ITPR1: variants seen among roughly 807,000 people sequenced by gnomAD.
ITPR1 encodes the protein inositol 1,4,5-trisphosphate-gated calcium channel ITPR1.
A neutral mutation model predicts 318.4 loss-of-function variants in ITPR1; 96 were observed. The observed-to-expected ratio is 0.30, with a 90% CI of 0.26 to 0.36. The LOEUF is 0.36. Among genes scored for constraint, ITPR1 ranks in the 10% least tolerant of loss-of-function variants. The pLI is 1.00. For missense variants in ITPR1, 2,440 were observed against 3,460.2 expected, an observed-to-expected ratio of 0.71 and a Z score of 7.40; for synonymous variants, 1,312 against 1,289.9, an observed-to-expected ratio of 1.02 and a Z score of -0.37.
At chr3:4,679,367 C>T (rs1049040841) in intron 24 of ITPR1, among the ~76,000 whole-genome samples, 1 of 152,208 alleles carries the variant, frequency 6.6e-6, no homozygotes, top group Non-Finnish European at 1.5e-5. Flanking sequence ...CCACAGCAAG[C>T]TGTGTCCCGG....
At chr3:4,527,995 C>A (rs745696159) in intron 4 of ITPR1, among the ~76,000 whole-genome samples, 11 of 152,178 alleles carry the variant, frequency 7.2e-5, no homozygotes, top group Non-Finnish European at 1.2e-4. Context: ...TGGCATTTTT[C>A]ATGCTTGAGT....
chr3:4,783,428 A>G (rs1246721421), intron 50 of ITPR1, among the ~76,000 whole-genome samples: 1 of 152,082 alleles, frequency 6.6e-6, no homozygotes, highest in African/African-American at 2.4e-5. Flanking sequence ...GGCCCCTGTT[A>G]CCACCCACTG....
chr3:4,569,025 T>A (rs576240794), intron 4 of ITPR1, among the ~76,000 whole-genome samples: 1 of 152,236 alleles, frequency 6.6e-6, no homozygotes, highest in African/African-American at 2.4e-5. Context: ...ACCAGATCTC[T>A]AGAGAACTCA....
At chr3:4,807,570 A>T (rs1324841560) in intron 55 of ITPR1, among the ~76,000 whole-genome samples, 1 of 152,126 alleles carries the variant, frequency 6.6e-6, no homozygotes, top group Non-Finnish European at 1.5e-5. Context: ...TGTCTTTGTC[A>T]TTCTATATTC....
At chr3:4,590,865 C>T (rs1195162683) in intron 4 of ITPR1, among the ~76,000 whole-genome samples, 3 of 151,966 alleles carry the variant, frequency 2.0e-5, no homozygotes, top group African/African-American at 4.8e-5. Flanking sequence ...CCTTTCTGCC[C>T]CTCTCTCTCC....
At chr3:4,511,840 G>C (rs762927042) in intron 2 of ITPR1, among the ~76,000 whole-genome samples, 24 of 152,196 alleles carry the variant, frequency 1.6e-4, no homozygotes, top group Non-Finnish European at 2.9e-4. Flanking sequence ...GGATGGTGAT[G>C]CTTTGTGAAA....
Position 4,675,252 on chromosome 3 carries a change from A to G in ITPR1, c.2779+4A>G, listed in dbSNP as rs763053214. 2 of 1,604,954 alleles carry G rather than the reference A, an allele frequency of 1.2e-6. No homozygotes were observed. Among genetic ancestry groups the G allele is most frequent in the Non-Finnish European group, 8.5e-7 (1 of 1,176,174 alleles). ...AATGATGTGGAGAAGCTGAAGAGTG[A>G]GTATCTGAGGGTGCCCATACATCTG... On this transcript the variant is annotated splice_donor_region_variant and intron_variant, in intron 23 of 61. Transcript: ENST00000649015.
intron 44 of ITPR1, among the ~76,000 whole-genome samples, chr3:4,758,842 G>A (rs1436990212): frequency 2.0e-5 from 3 of 152,288 alleles, no homozygotes; most frequent in African/African-American, 2.4e-5. Context: ...CCCTGGGTTC[G>A]TTAGCTGAAA....
At chr3:4,577,042 A>T (rs2088741529) in intron 4 of ITPR1, among the ~76,000 whole-genome samples, 1 of 152,250 alleles carries the variant, frequency 6.6e-6, no homozygotes, top group Non-Finnish European at 1.5e-5. Flanking sequence ...AGTCTAATGA[A>T]GGTGTCAGTT....
chr3:4,800,336 A>G (rs1427066735), intron 53 of ITPR1, 89 bp from the exon 54 acceptor site: 1 of 1,363,954 alleles, frequency 7.3e-7, no homozygotes, highest in Non-Finnish European at 1.0e-6. Context: ...AAAGTTATTG[A>G]GGAATCTGTA....
At chr3:4,662,305 G>C (rs745751830) in intron 15 of ITPR1, 63 bp downstream of exon 15, 1 of 1,374,614 alleles carries the variant, frequency 7.3e-7, no homozygotes, top group African/African-American at 1.5e-5. Context: ...GACATCCATG[G>C]GGTGGAGTGA....
At chr3:4,637,249 G>A (rs144095087) in intron 5 of ITPR1, among the ~76,000 whole-genome samples, 55 of 152,304 alleles carry the variant, frequency 3.6e-4, no homozygotes, top group Admixed American at 1.7e-3. Context: ...TGCAGTCAGT[G>A]TTAGCTGAGA....
In ITPR1 at chr3:4,645,368, A is replaced by G. The variant is rs1470591499; in HGVS notation, c.625-19A>G. On this transcript the variant is annotated intron_variant, in intron 8 of 61. Transcript: ENST00000649015. ...GTTGTGAGGGGTACGTGAAAAAATA[A>G]CTCGAATCTGTGTTTCAGGTCAATT... is the stretch of plus-strand genomic sequence containing the variant. 3.8e-6 allele frequency: 6 copies of G among 1,576,734 alleles called. No individual in the cohort carries two copies. The Admixed American group carries it at 1.0e-4, about 26-fold the overall frequency.
chr3:4,685,081 C>T lies in ITPR1; in HGVS notation c.3577C>T (p.Leu1193Phe), dbSNP rs752377933. The change falls in exon 30 of 62, where the codon CTT becomes TTT. Residue 1193 changes from leucine (L) to phenylalanine (F), a missense_variant. This residue lies in a region of ITPR1 where 86 missense variants were observed against 75.6 expected (regional missense o/e 1.14). Coordinates refer to ENST00000649015, the MANE Select transcript of ITPR1 (RefSeq NM_001378452.1). ...TTCATTCTACTAGATTTTGATTCGG[C>T]TTAGCAAACTCTGTGTTCAAGAGAG... ...YRVVKEILIRLSKLCVQESAS... is the reference protein window; with the variant it reads ...YRVVKEILIRFSKLCVQESAS... The T allele has an allele frequency of 6.2e-7, 1 of 1,609,738 alleles. No individual in the cohort carries two copies. The highest frequency in any genetic ancestry group is 1.7e-5 in the Admixed American group (1 of 59,464).
intron 40 of ITPR1, among the ~76,000 whole-genome samples, chr3:4,724,081 C>T (rs1377377227): frequency 6.6e-6 from 1 of 152,166 alleles, no homozygotes; most frequent in Admixed American, 6.5e-5. Flanking sequence ...CCACTCATGT[C>T]CTTCCTACCA....
At chr3:4,752,876 A>C (rs1192406385) in intron 44 of ITPR1, among the ~76,000 whole-genome samples, 2 of 152,164 alleles carry the variant, frequency 1.3e-5, no homozygotes, top group African/African-American at 2.4e-5. Context: ...ACAGTCAGGG[A>C]TGAGACCAAC....
At chr3:4,806,786 G>C (rs2048582350) in intron 55 of ITPR1, among the ~76,000 whole-genome samples, 1 of 152,106 alleles carries the variant, frequency 6.6e-6, no homozygotes, top group African/African-American at 2.4e-5. Flanking sequence ...TCCGATATGA[G>C]CCAAGTGCTT....
chr3:4,789,294 T>G (rs2047401888), intron 52 of ITPR1, among the ~76,000 whole-genome samples: 1 of 152,212 alleles, frequency 6.6e-6, no homozygotes, highest in Admixed American at 6.5e-5. Flanking sequence ...CTCCACGGTA[T>G]GGACCTCAGG....
chr3:4,809,957 C>A (rs1456691765), intron 55 of ITPR1, among the ~76,000 whole-genome samples: 1 of 152,158 alleles, frequency 6.6e-6, no homozygotes. Context: ...CTACTCTACC[C>A]AATGCCCTTC....
Sources: allele counts gnomAD v4.1 joint callset (sites outside exome capture counted in the v4.1 genomes callset), GRCh38; gene constraint gnomAD v4.1.1; regional missense constraint gnomAD v4.1.1; transcripts MANE v1.5; gene names NCBI Gene and HGNC (gene_info 2026-07-23, HGNC 2026-07-21).